Variants in STAT1 observed in about 807,000 individuals in gnomAD.
STAT1 encodes signal transducer and activator of transcription 1-alpha/beta.
In STAT1, 24 loss-of-function variants were observed where a neutral mutation model predicts 111.7. The ratio of observed to expected loss-of-function variants is 0.21; its 90% CI spans 0.16 to 0.30. The LOEUF (loss-of-function observed/expected upper bound fraction) is 0.30. Ranked by LOEUF, STAT1 falls within the 10% of genes least tolerant of loss-of-function variation. The probability of loss-of-function intolerance (pLI) is 1.00; values close to 1 mark genes in which losing one functional copy is unlikely to be tolerated. For synonymous variants in STAT1, 332 were observed against 326.5 expected (o/e 1.02, Z -0.18); for missense variants, 351 against 911.9 (o/e 0.38, Z 7.92).
Position 191,006,150 on chromosome 2 carries a change from C to G in STAT1, c.372+1413G>C, listed in dbSNP as rs1479618368. 6.6e-6 allele frequency among the ~76,000 whole-genome samples: 1 copy of G among 152,212 alleles called. No homozygotes were observed. The highest frequency in any genetic ancestry group is 1.5e-5 in the Non-Finnish European group (1 of 68,046). On this transcript the variant is annotated intron_variant, in intron 5 of 24. Coordinates refer to ENST00000361099, the MANE Select transcript of STAT1 (RefSeq NM_007315.4). This position sits in a 1 kb window ranked among gnomAD's most constrained non-coding sequence, Gnocchi z 4.6. ...CCATCTTTGCTCCTGGCTGTCCTTT[C>G]AAGTCTATTAGAAATACAGAGGAGG...
At position 190,974,393 on chromosome 2, in the gene STAT1, A is replaced by G. The variant is rs1328287828; in HGVS notation, c.2238+437T>C. 6.6e-6 allele frequency among the ~76,000 whole-genome samples: 1 copy of G among 152,232 alleles called. No homozygotes were observed. Among genetic ancestry groups the G allele is most frequent in the African/African-American group, 2.4e-5 (1 of 41,454 alleles). On this transcript the variant is annotated intron_variant, in intron 24 of 24. Coordinates refer to ENST00000361099, the MANE Select transcript of STAT1 (RefSeq NM_007315.4). This position sits in a 1 kb window ranked among gnomAD's most constrained non-coding sequence, Gnocchi z 4.8. ...CAGATGAAGTAATCTCATTGCTGCT[A>G]AAGTATAATTCTCTCTAATTACTGT...
At position 190,997,672 on chromosome 2, in the gene STAT1, G is replaced by A. The variant is rs16833157; in HGVS notation, c.785+184C>T. Among the ~76,000 whole-genome samples the A allele has an allele frequency of 0.077, 11,666 of 152,156 alleles. 555 individuals carry two copies. The highest frequency in any genetic ancestry group is 0.15 in the East Asian group (776 of 5,178). On this transcript the variant is annotated intron_variant, in intron 9 of 24. Transcript: ENST00000361099. This position sits in a 1 kb window ranked among gnomAD's most constrained non-coding sequence, Gnocchi z 7.3. ...CCAAGCAGACGTGGCTGAACGTGGC[G>A]AGAGTCATGAATAACACTGTGCTTT... is the stretch of plus-strand genomic sequence containing the variant.
At position 191,010,004 on chromosome 2, in the gene STAT1, C is replaced by T; in HGVS notation, c.-1G>A. ...GCTGAAGTTCGTACCACTGAGACAT[C>T]CTATAGGGAAAAAGAATATACATTC... On this transcript the variant is annotated splice_region_variant and 5_prime_UTR_variant, in exon 3 of 25. Coordinates refer to ENST00000361099, the MANE Select transcript of STAT1 (RefSeq NM_007315.4). The T allele has an allele frequency of 6.2e-7, 1 of 1,613,820 alleles. No homozygotes were observed. Among genetic ancestry groups the T allele is most frequent in the Non-Finnish European group, 8.5e-7 (1 of 1,179,832 alleles).
rs779366309 is a variant in STAT1, at chr2:191,009,840, G to A, written c.128+36C>T. On this transcript the variant is annotated intron_variant, in intron 3 of 24. Transcript: ENST00000361099. Reference sequence around the variant, plus strand: ...CTTAATCAACCAGTACTTTTAAGGTGTAAACTTCTTCTTCTGTCTAGTGAA... The same window carrying A: ...CTTAATCAACCAGTACTTTTAAGGTATAAACTTCTTCTTCTGTCTAGTGAA... 10 of 1,612,460 alleles carry A rather than the reference G, an allele frequency of 6.2e-6. No individual in the cohort carries two copies. The Admixed American group carries it at 1.3e-4, about 22-fold the overall frequency.
chr2:190,994,589 C>G (rs1336588292), intron 10 of STAT1, among the ~76,000 whole-genome samples: 1 of 152,116 alleles, frequency 6.6e-6, no homozygotes, highest in East Asian at 1.9e-4. Context: ...TGAAGAACCA[C>G]TGGTATAACC....
chr2:191,005,817 T>A (rs1694646631), intron 5 of STAT1, among the ~76,000 whole-genome samples: 1 of 152,224 alleles, frequency 6.6e-6, no homozygotes, highest in African/African-American at 2.4e-5. Context: ...AGGCACCTAT[T>A]GTGCCTTTTC....
rs973703621 is a variant in STAT1, at chr2:190,997,957, C to T, written c.684G>A (p.Gln228=). The change falls in exon 9 of 25, where the codon CAG becomes CAA. Residue 228 remains glutamine (Q), a synonymous_variant. Transcript: ENST00000361099. This position sits in a 1 kb window ranked among gnomAD's most constrained non-coding sequence, Gnocchi z 7.3. ...IELLNVTELT[Q]NALINDELVE... is the part of the protein sequence containing the mutation. ...CTAGTTCATCATTAATCAGGGCATT[C>T]TGGGTAAGTTCAGTGACATTCAGCA... 2.5e-6 allele frequency: 4 copies of T among 1,614,106 alleles called. No homozygotes were observed. The highest frequency in any genetic ancestry group is 3.4e-6 in the Non-Finnish European group (4 of 1,180,056).
In STAT1 at chr2:190,981,265, C is replaced by G. The variant is rs3755312; in HGVS notation, c.1583-596G>C. ...TCAACCTAGGTGCCCAAGATCACCC[C>G]TAGATCTTCAATGTAACTGATACTT... On this transcript the variant is annotated intron_variant, in intron 18 of 24. Coordinates refer to ENST00000361099, the MANE Select transcript of STAT1 (RefSeq NM_007315.4). The surrounding 1 kb of genome is among the most constrained non-coding windows in gnomAD (Gnocchi z 4.1). Among the ~76,000 whole-genome samples, 12,518 of 152,218 alleles carry G rather than the reference C, an allele frequency of 0.082. 1,009 individuals carry two copies. Among genetic ancestry groups the G allele is most frequent in the Admixed American group, 0.26 (3,953 of 15,288 alleles).
rs920277248 is a variant in STAT1 at position 190,999,001 on chromosome 2, A to C, written c.541+625T>G. Among the ~76,000 whole-genome samples, 3 of 152,170 alleles carry C rather than the reference A, an allele frequency of 2.0e-5. No homozygotes were observed. Among genetic ancestry groups the C allele is most frequent in the Non-Finnish European group, 4.4e-5 (3 of 68,024 alleles). On this transcript the variant is annotated intron_variant, in intron 7 of 24. Transcript: ENST00000361099. The surrounding 1 kb of genome is among the most constrained non-coding windows in gnomAD (Gnocchi z 4.1). ...CTGCCTATGAACCATGGTATACCCC[A>C]GATGATGAATAGAGTAACAGCAGTA... is the stretch of plus-strand genomic sequence containing the variant.
Position 190,979,145 on chromosome 2 carries a change from G to A in STAT1, c.1728-144C>T. The A allele has an allele frequency of 9.0e-7, 1 of 1,114,534 alleles. No individual in the cohort carries two copies. Among genetic ancestry groups the A allele is most frequent in the South Asian group, 1.3e-5 (1 of 74,792 alleles). 69.0% of individuals were successfully genotyped at this position (1,114,534 alleles called of 1,614,324 possible). A position where few individuals can be genotyped will look rare whatever the true frequency, so the allele number is the denominator to read the frequency against. ...CGTAGACTATTTTAAAATCTGTTCA[G>A]TTGACACTTAAGGAAGCATTTCACT... On this transcript the variant is annotated intron_variant, in intron 20 of 24. Coordinates refer to ENST00000361099, the MANE Select transcript of STAT1 (RefSeq NM_007315.4). This position sits in a 1 kb window ranked among gnomAD's most constrained non-coding sequence, Gnocchi z 5.8.
At position 190,985,625 on chromosome 2, in the gene STAT1, C is replaced by T. The variant is rs73979321; in HGVS notation, c.1257G>A (p.Thr419=). The T allele has an allele frequency of 3.9e-4, 635 of 1,614,176 alleles. 3 individuals carry two copies. The African/African-American group carries it at 7.0e-3, about 18-fold the overall frequency. ...LKEQKNAGTR[T]NEGPLIVTEE... ...AACATAAAGGGACTCTCACCTCATTCGTTCTGGTGCCAGCATTTTTCTGTT... is the reference window on the plus strand; with the variant it reads ...AACATAAAGGGACTCTCACCTCATTTGTTCTGGTGCCAGCATTTTTCTGTT... Residue 419 remains threonine, a synonymous_variant, in exon 15 of 25, where the codon ACG becomes ACA. Coordinates refer to ENST00000361099, the MANE Select transcript of STAT1 (RefSeq NM_007315.4).
rs370249104 is a variant in STAT1 at position 190,986,828 on chromosome 2, C to T, written c.1221+26G>A. 1.2e-6 allele frequency: 2 copies of T among 1,605,502 alleles called. No individual in the cohort carries two copies. Among genetic ancestry groups the T allele is most frequent in the Non-Finnish European group, 1.7e-6 (2 of 1,172,160 alleles). The stretch of plus-strand genomic sequence containing the variant: ...AAAAGTCCTAAGAAACCAGAGACAA[C>T]ATAGAGAGGAAACTGATGTCCCTAC... On this transcript the variant is annotated intron_variant, in intron 14 of 24. Transcript: ENST00000361099. The surrounding 1 kb of genome is among the most constrained non-coding windows in gnomAD (Gnocchi z 5.0).
In STAT1 at chr2:190,997,384, T is replaced by C. The variant is rs1319372878; in HGVS notation, c.785+472A>G. Among the ~76,000 whole-genome samples, 1 of 152,210 alleles carries C rather than the reference T, an allele frequency of 6.6e-6. No individual in the cohort carries two copies. On this transcript the variant is annotated intron_variant, in intron 9 of 24. Transcript: ENST00000361099. This position sits in a 1 kb window ranked among gnomAD's most constrained non-coding sequence, Gnocchi z 7.3. ...TCCCCCCCTCCACACTGAGAACTCC[T>C]TGTTGGCAAGGGCCAAGAATCACTC... is the stretch of plus-strand genomic sequence containing the variant.
rs956537957 is a variant in STAT1 at position 190,986,066 on chromosome 2, T to C, written c.1222-406A>G. On this transcript the variant is annotated intron_variant, in intron 14 of 24. Transcript: ENST00000361099. The surrounding 1 kb of genome is among the most constrained non-coding windows in gnomAD (Gnocchi z 5.0). ...CTGCCCTCAAGTGGACGTCAATCTC[T>C]GAGCTGTCAATCCCTGAGCTGACGA... 6.6e-6 allele frequency among the ~76,000 whole-genome samples: 1 copy of C among 152,216 alleles called. No individual in the cohort carries two copies. The highest frequency in any genetic ancestry group is 2.4e-5 in the African/African-American group (1 of 41,462).
Position 190,989,852 on chromosome 2 carries a change from A to C in STAT1, c.1038-178T>G, listed in dbSNP as rs1693181587. Among the ~76,000 whole-genome samples the C allele has an allele frequency of 6.6e-6, 1 of 152,242 alleles. No individual in the cohort carries two copies. Among genetic ancestry groups the C allele is most frequent in the African/African-American group, 2.4e-5 (1 of 41,466 alleles). ...AAATTTTTGTAAGTGTATTTGTAAGAATAAATTCCTAGCTGTGGAACCGCT... is the reference window on the plus strand; with the variant it reads ...AAATTTTTGTAAGTGTATTTGTAAGCATAAATTCCTAGCTGTGGAACCGCT... On this transcript the variant is annotated intron_variant, in intron 11 of 24. Coordinates refer to ENST00000361099, the MANE Select transcript of STAT1 (RefSeq NM_007315.4). The surrounding 1 kb of genome is among the most constrained non-coding windows in gnomAD (Gnocchi z 5.0).
chr2:190,984,603 G>A lies in STAT1; in HGVS notation c.1264-210C>T, dbSNP rs149852409. Among the ~76,000 whole-genome samples, 5 of 152,296 alleles carry A rather than the reference G, an allele frequency of 3.3e-5. No individual in the cohort carries two copies. The East Asian group carries it at 9.6e-4, about 29-fold the overall frequency. On this transcript the variant is annotated intron_variant, in intron 15 of 24. Coordinates refer to ENST00000361099, the MANE Select transcript of STAT1 (RefSeq NM_007315.4). This position sits in a 1 kb window ranked among gnomAD's most constrained non-coding sequence, Gnocchi z 5.2. Reference sequence around the variant, plus strand: ...ATAAGTGTCTGAAGTTACGGCAAGGGTTATAGATTCAGAGCAATGATTGTC... The same window carrying A: ...ATAAGTGTCTGAAGTTACGGCAAGGATTATAGATTCAGAGCAATGATTGTC...
intron 4 of STAT1, among the ~76,000 whole-genome samples, chr2:191,008,210 G>T (rs1367199795): frequency 6.7e-6 from 1 of 150,304 alleles, no homozygotes; most frequent in Admixed American, 6.7e-5. Context: ...TTCCCCACTC[G>T]TAAATAAAAT....
In STAT1 at chr2:190,977,932, A is replaced by G. The variant is rs902398223; in HGVS notation, c.1874-907T>C. ...AAAGTATTCCAGAAAAACAAATAGAACAAGAAGAGTATTCCTGAAAAATAA... is the reference window on the plus strand; with the variant it reads ...AAAGTATTCCAGAAAAACAAATAGAGCAAGAAGAGTATTCCTGAAAAATAA... On this transcript the variant is annotated intron_variant, in intron 21 of 24. Coordinates refer to ENST00000361099, the MANE Select transcript of STAT1 (RefSeq NM_007315.4). This position sits in a 1 kb window ranked among gnomAD's most constrained non-coding sequence, Gnocchi z 4.7. Among the ~76,000 whole-genome samples the G allele has an allele frequency of 6.6e-6, 1 of 152,190 alleles. No homozygotes were observed. Among genetic ancestry groups the G allele is most frequent in the Non-Finnish European group, 1.5e-5 (1 of 68,038 alleles).
In STAT1 at chr2:190,975,942, C is replaced by T. The variant is rs991636948; in HGVS notation, c.2060-55G>A. 2 of 1,467,542 alleles carry T rather than the reference C, an allele frequency of 1.4e-6. No homozygotes were observed. The highest frequency in any genetic ancestry group is 2.8e-5 in the African/African-American group (2 of 71,944). 90.9% of individuals were successfully genotyped at this position (1,467,542 alleles called of 1,614,324 possible). ...CATCAACCGAAATTCCATCAGAATACAACATCAACTTTTCGGGGGGATTAA... is the reference window on the plus strand; with the variant it reads ...CATCAACCGAAATTCCATCAGAATATAACATCAACTTTTCGGGGGGATTAA... On this transcript the variant is annotated intron_variant, in intron 22 of 24. Transcript: ENST00000361099. The surrounding 1 kb of genome is among the most constrained non-coding windows in gnomAD (Gnocchi z 5.9).
Sources: allele counts gnomAD v4.1 joint callset (sites outside exome capture counted in the v4.1 genomes callset), GRCh38; gene constraint gnomAD v4.1.1; non-coding constraint Gnocchi (gnomAD v3.1); transcripts MANE v1.5; gene names NCBI Gene and HGNC (gene_info 2026-07-23, HGNC 2026-07-21).